STON1: variants seen among roughly 807,000 people sequenced by gnomAD.
STON1 encodes stonin-1.
In STON1, 79 loss-of-function variants were observed where a neutral mutation model predicts 60.9. That is an observed-to-expected ratio of 1.30 (90% CI 1.08 to 1.56). The LOEUF (loss-of-function observed/expected upper bound fraction) is 1.56, where lower values mean the gene tolerates loss of function less well. Among genes scored for constraint, STON1 ranks in the 40% most tolerant of loss-of-function variants. The probability of loss-of-function intolerance (pLI) is 0.00; values close to 1 mark genes in which losing one functional copy is unlikely to be tolerated. For synonymous variants in STON1, 363 were observed against 306.9 expected, an observed-to-expected ratio of 1.18 and a Z score of -1.91; for missense variants, 1,166 against 858.9, an observed-to-expected ratio of 1.36 and a Z score of -4.47.
chr2:48,549,533 C>T (rs910161678), intron 1 of STON1, among the ~76,000 whole-genome samples: 13 of 152,086 alleles, frequency 8.5e-5, no homozygotes, highest in African/African-American at 1.9e-4. Context: ...CATCCTAGGC[C>T]GGGCGCGGTG....
rs746889679 is a variant in STON1, at chr2:48,582,491, G to C, written c.1858G>C (p.Gly620Arg). 14 of 1,614,144 alleles carry C rather than the reference G, an allele frequency of 8.7e-6. No individual in the cohort carries two copies. The highest frequency in any genetic ancestry group is 1.1e-5 in the Non-Finnish European group (13 of 1,180,000). Reference protein sequence around the residue: ...ESEPVIQVTVGSAKYESAYQA... With the variant: ...ESEPVIQVTVRSAKYESAYQA... ...TGAACCTGTCATTCAAGTCACTGTG[G>C]GGTCAGCAAAATATGAGAGTGCCTA... The change falls in exon 2 of 4, where the codon GGG becomes CGG. Residue 620 changes from glycine (G) to arginine (R), a missense_variant. Gly to Arg is a moderately radical substitution (Grantham distance 125, BLOSUM62 -2). Transcript: ENST00000404752.
chr2:48,554,690 C>G (rs1672238492), intron 1 of STON1, among the ~76,000 whole-genome samples: 1 of 150,632 alleles, frequency 6.6e-6, no homozygotes, highest in African/African-American at 2.5e-5. Context: ...CGTTTCTACT[C>G]AAACTTTAAG....
At chr2:48,531,167 A>G (rs1393648049) in intron 1 of STON1, 2 of 152,168 alleles carry the variant, frequency 1.3e-5, no homozygotes, top group Non-Finnish European at 2.9e-5. Flanking sequence ...ACTAACCGCA[A>G]ACACGATTAC....
rs1673850694 is a variant in STON1 at position 48,581,049 on chromosome 2, A to G, written c.416A>G (p.Asp139Gly). Residue 139 changes from aspartate (D) to glycine (G), a missense_variant, in exon 2 of 4, where the codon GAC (aspartate) becomes GGC (glycine). By Grantham distance (94) the Asp-to-Gly change is moderately conservative. Transcript: ENST00000404752. ...TCLSHALLPS[D>G]HSCTHPTPKV... ...TTATCCCATGCCTTGTTACCCAGTG[A>G]CCACTCATGTACACATCCAACTCCC... 1 of 1,582,834 alleles carries G rather than the reference A, an allele frequency of 6.3e-7. No individual in the cohort carries two copies. The highest frequency in any genetic ancestry group is 1.2e-5 in the South Asian group (1 of 84,216).
intron 1 of STON1, chr2:48,531,627 A>C (rs1328800662): frequency 6.6e-6 from 1 of 152,096 alleles, no homozygotes; most frequent in Non-Finnish European, 1.5e-5. Flanking sequence ...ACCTCTGCAC[A>C]CTCACTCAGA....
chr2:48,565,796 T>G (rs1672917959), intron 1 of STON1, among the ~76,000 whole-genome samples: 1 of 152,164 alleles, frequency 6.6e-6, no homozygotes, highest in Non-Finnish European at 1.5e-5. Context: ...AATTTACATA[T>G]GAGGTAAAAT....
At chr2:48,545,499 G>A (rs1671830557) in intron 1 of STON1, among the ~76,000 whole-genome samples, 1 of 152,192 alleles carries the variant, frequency 6.6e-6, no homozygotes. Context: ...TGTCTAACCA[G>A]AGGGGCCATC....
chr2:48,549,516 C>T (rs1486656511), intron 1 of STON1, among the ~76,000 whole-genome samples: 1 of 152,054 alleles, frequency 6.6e-6, no homozygotes, highest in Admixed American at 6.6e-5. Context: ...GTCAGTGGTT[C>T]AAGAAGCATC....
chr2:48,549,355 G>A (rs972727515), intron 1 of STON1, among the ~76,000 whole-genome samples: 1 of 152,192 alleles, frequency 6.6e-6, no homozygotes, highest in Admixed American at 6.5e-5. Flanking sequence ...CAAGGATGGA[G>A]TCCAGGCCTG....
At chr2:48,546,126 C>G (rs1671855232) in intron 1 of STON1, among the ~76,000 whole-genome samples, 1 of 152,232 alleles carries the variant, frequency 6.6e-6, no homozygotes, top group Admixed American at 6.5e-5. Flanking sequence ...TGCCATTGGC[C>G]TTGCCATCTT....
chr2:48,531,309 A>G (rs1671203274), intron 1 of STON1: 1 of 152,136 alleles, frequency 6.6e-6, no homozygotes, highest in African/African-American at 2.4e-5. Context: ...TTTCTTTCTC[A>G]TAAAAGGGAG....
At chr2:48,535,028 G>T (rs1368348977) in intron 1 of STON1, among the ~76,000 whole-genome samples, 1 of 152,120 alleles carries the variant, frequency 6.6e-6, no homozygotes, top group Non-Finnish European at 1.5e-5. Flanking sequence ...TTCTGGAGCA[G>T]TCCTCAGTAC....
chr2:48,588,516 AT>A (rs1325254784), intron 2 of STON1, among the ~76,000 whole-genome samples: 1 of 151,854 alleles, frequency 6.6e-6, no homozygotes, highest in African/African-American at 2.4e-5. Flanking sequence ...CACCTGGTTA[AT>A]TTTTTGTATT....
At position 48,597,066 on chromosome 2, in the gene STON1, T is replaced by A. The variant is rs1357162218; in HGVS notation, c.*1764T>A. ...CGGAGTTTCCCCATGTTGGCCGGGC[T>A]AGTCTCGAACTCCTGACCTCAGGTG... is the stretch of plus-strand genomic sequence containing the variant. On this transcript the variant is annotated 3_prime_UTR_variant, in exon 4 of 4. Transcript: ENST00000404752. 2.0e-5 allele frequency: 3 copies of A among 152,246 alleles called. No individual in the cohort carries two copies. Among genetic ancestry groups the A allele is most frequent in the Non-Finnish European group, 4.4e-5 (3 of 68,058 alleles). 9.4% of individuals were successfully genotyped at this position (152,246 alleles called of 1,614,324 possible). A position where few individuals can be genotyped will look rare whatever the true frequency, so the allele number is the denominator to read the frequency against.
intron 1 of STON1, among the ~76,000 whole-genome samples, chr2:48,577,377 T>A (rs1391964441): frequency 6.6e-6 from 1 of 151,850 alleles, no homozygotes; most frequent in African/African-American, 2.4e-5. Flanking sequence ...GGTCGGGAGT[T>A]TGAGACCAGC....
chr2:48,564,480 T>TTCCTC (rs1558604783), intron 1 of STON1, among the ~76,000 whole-genome samples: 2 of 32,480 alleles, frequency 6.2e-5, no homozygotes, highest in Non-Finnish European at 1.3e-4. Context: ...CTTCTTCTTC[T>TTCCTC]TTCTTCTTCT....
chr2:48,563,877 T>G (rs1672715273), intron 1 of STON1, among the ~76,000 whole-genome samples: 1 of 151,846 alleles, frequency 6.6e-6, no homozygotes. Flanking sequence ...TTTTTTAACT[T>G]TTAATGGAGA....
At chr2:48,573,770 C>A (rs76062057) in intron 1 of STON1, among the ~76,000 whole-genome samples, 1 of 152,126 alleles carries the variant, frequency 6.6e-6, no homozygotes, top group East Asian at 1.9e-4. Flanking sequence ...GGAAACAAAC[C>A]AAATGTCTAT....
At chr2:48,586,270 A>G (rs576540635) in intron 2 of STON1, among the ~76,000 whole-genome samples, 2 of 152,268 alleles carry the variant, frequency 1.3e-5, no homozygotes, top group East Asian at 1.9e-4. Context: ...AAGGAGTCTC[A>G]CTCATTTACT....
Sources: gnomAD v4.1 joint callset for allele counts (sites outside exome capture counted in the v4.1 genomes callset) on GRCh38, gnomAD v4.1.1 for gene constraint, MANE v1.5 for transcripts, NCBI Gene and HGNC (gene_info 2026-07-23, HGNC 2026-07-21) for gene names.